DSCAML1: variants seen among roughly 807,000 people sequenced by gnomAD.
DSCAML1 encodes the protein cell adhesion molecule DSCAML1.
Under a neutral mutation model 200.5 loss-of-function variants are expected in DSCAML1, and 38 were observed. That is an observed-to-expected ratio of 0.19 (90% CI 0.15 to 0.25). The LOEUF is 0.25. Among genes scored for constraint, DSCAML1 ranks in the 10% least tolerant of loss-of-function variants. DSCAML1 has a pLI of 1.00. For missense variants in DSCAML1, 2,223 were observed against 2,858.8 expected (o/e 0.78, Z 5.07); for synonymous variants, 1,215 against 1,165.0 (o/e 1.04, Z -0.87).
intron 1 of DSCAML1, among the ~76,000 whole-genome samples, chr11:117,791,031 G>A (rs2055455866): frequency 6.6e-6 from 1 of 152,218 alleles, no homozygotes; most frequent in African/African-American, 2.4e-5. Flanking sequence ...AGTGGGGCAG[G>A]GCAGCTGAAC....
In DSCAML1 at chr11:117,464,996, G is replaced by T. The variant is rs563772293; in HGVS notation, c.3211C>A (p.Arg1071=). ...QYGVVVQAFN[R]AGTGPSSSEI... ...CTGGAAGAGGGCCCCGTGCCAGCCC[G>T]ATTGAAGGCTTGGACCACCACCCCA... The change falls in exon 17 of 33, where the codon CGG becomes AGG. Residue 1071 remains arginine, a synonymous_variant. Coordinates refer to ENST00000651296, the MANE Select transcript of DSCAML1 (RefSeq NM_020693.4). The T allele has an allele frequency of 1.2e-6, 2 of 1,614,088 alleles. No homozygotes were observed. The highest frequency in any genetic ancestry group is 1.7e-6 in the Non-Finnish European group (2 of 1,179,972).
chr11:117,550,033 T>C (rs7126576), intron 3 of DSCAML1, among the ~76,000 whole-genome samples: 16,797 of 152,166 alleles, frequency 0.11, 1,165 homozygotes, highest in African/African-American at 0.17. Context: ...TTCTCCCTTG[T>C]CTCCTGACAG....
chr11:117,449,004 A>G (rs11216396), intron 20 of DSCAML1, among the ~76,000 whole-genome samples: 56,512 of 152,110 alleles, frequency 0.37, 10,549 homozygotes, highest in Admixed American at 0.42. Context: ...ATTAATAATC[A>G]TAACATATGC....
intron 3 of DSCAML1, among the ~76,000 whole-genome samples, chr11:117,742,444 G>A (rs1016166213): frequency 3.0e-4 from 45 of 152,308 alleles, no homozygotes; most frequent in African/African-American, 1.1e-3. Context: ...CCCATGGCTG[G>A]CTGTGGGACC....
At chr11:117,769,266 ATATATTTATATAT>A (rs2134032170) in intron 3 of DSCAML1, among the ~76,000 whole-genome samples, 1 of 4,740 alleles carries the variant, frequency 2.1e-4, no homozygotes, top group East Asian at 0.1. Context: ...TATATATTTT[ATATATTTATATAT>A]TATATATTTT....
intron 3 of DSCAML1, among the ~76,000 whole-genome samples, chr11:117,537,948 T>C (rs923537253): frequency 2.0e-5 from 3 of 152,210 alleles, no homozygotes; most frequent in Admixed American, 1.3e-4. Flanking sequence ...TGATTTCTCA[T>C]GGCAGCTCTG....
intron 3 of DSCAML1, among the ~76,000 whole-genome samples, chr11:117,649,855 C>T (rs893466358): frequency 1.3e-5 from 2 of 152,170 alleles, no homozygotes; most frequent in African/African-American, 2.4e-5. Context: ...TCCGTGCCTC[C>T]GCCCCAGCCT....
intron 13 of DSCAML1, 21 bp downstream of exon 13, chr11:117,481,153 G>A: frequency 6.2e-7 from 1 of 1,611,852 alleles, no homozygotes; most frequent in Non-Finnish European, 8.5e-7. Context: ...GGGATGGGAA[G>A]GGTGGGGCAG....
chr11:117,431,786 A>G, intron 30 of DSCAML1, 58 bp from the exon 31 acceptor site: 14 of 1,473,398 alleles, frequency 9.5e-6, no homozygotes, highest in Non-Finnish European at 1.3e-5. Flanking sequence ...AGGCTTGGGC[A>G]GCTGGCACTT....
chr11:117,746,081 G>A (rs2137853992), intron 3 of DSCAML1, among the ~76,000 whole-genome samples: 1 of 151,754 alleles, frequency 6.6e-6, no homozygotes, highest in African/African-American at 2.4e-5. Flanking sequence ...AATTAGCCAG[G>A]TGTGGTGGCG....
intron 3 of DSCAML1, among the ~76,000 whole-genome samples, chr11:117,624,791 G>C (rs2052009125): frequency 6.6e-6 from 1 of 152,182 alleles, no homozygotes; most frequent in African/African-American, 2.4e-5. Flanking sequence ...TCAGGAGCCA[G>C]CCCATTGGGA....
intron 11 of DSCAML1, among the ~76,000 whole-genome samples, chr11:117,492,929 A>G (rs1001101946): frequency 8.5e-5 from 13 of 152,158 alleles, no homozygotes; most frequent in African/African-American, 2.9e-4. Flanking sequence ...GCCAAGCTCC[A>G]CCTGAAGCAT....
chr11:117,554,435 C>T (rs555057373), intron 3 of DSCAML1, among the ~76,000 whole-genome samples: 4 of 152,076 alleles, frequency 2.6e-5, no homozygotes, highest in Non-Finnish European at 5.9e-5. Flanking sequence ...GGCTGGAGTG[C>T]GGTGGTGCGA....
intron 3 of DSCAML1, among the ~76,000 whole-genome samples, chr11:117,750,662 T>C (rs2054591919): frequency 6.6e-6 from 1 of 152,094 alleles, no homozygotes; most frequent in Non-Finnish European, 1.5e-5. Flanking sequence ...AATCCCAAAA[T>C]GAAGGTTCTA....
At chr11:117,649,774 TC>T (rs569745478) in intron 3 of DSCAML1, among the ~76,000 whole-genome samples, 73 of 152,358 alleles carry the variant, frequency 4.8e-4, no homozygotes, top group African/African-American at 1.7e-3. Context: ...AACCTACCTT[TC>T]TGGACCTATC....
chr11:117,707,893 C>T (rs898913089), intron 3 of DSCAML1, among the ~76,000 whole-genome samples: 8 of 152,224 alleles, frequency 5.3e-5, no homozygotes, highest in African/African-American at 1.9e-4. Context: ...CTGAAGCAAT[C>T]TCATAAGGTC....
chr11:117,505,617 G>A lies in DSCAML1; in HGVS notation c.1899C>T (p.Asp633=), dbSNP rs146925448. ...CCGAGCCTGAGATGATCACCTGTCC[G>A]TCCTTCCTCCAGGTGATACGGATGG... ...DMPIRITWRK[D]GQVIISGSGV... Residue 633 remains aspartate (D), a synonymous_variant, in exon 9 of 33, where the codon GAC becomes GAT. Transcript: ENST00000651296. The surrounding 1 kb of genome is among the most constrained non-coding windows in gnomAD (Gnocchi z 6.7). 43 of 1,613,942 alleles carry A rather than the reference G, an allele frequency of 2.7e-5. No individual in the cohort carries two copies. Among genetic ancestry groups the A allele is most frequent in the South Asian group, 8.8e-5 (8 of 91,074 alleles).
intron 3 of DSCAML1, among the ~76,000 whole-genome samples, chr11:117,662,788 C>T (rs2052882491): frequency 6.6e-6 from 1 of 152,222 alleles, no homozygotes; most frequent in Non-Finnish European, 1.5e-5. Flanking sequence ...ATTAGAGTCA[C>T]CCAGCGTGCT....
intron 4 of DSCAML1, among the ~76,000 whole-genome samples, chr11:117,529,136 T>G (rs2050029824): frequency 6.6e-6 from 1 of 152,126 alleles, no homozygotes; most frequent in Admixed American, 6.5e-5. Flanking sequence ...AGTGGCATGA[T>G]CTCGCGTTCT....
Sources: gnomAD v4.1 joint callset for allele counts (sites outside exome capture counted in the v4.1 genomes callset) on GRCh38, gnomAD v4.1.1 for gene constraint, Gnocchi (gnomAD v3.1) non-coding constraint, MANE v1.5 for transcripts, NCBI Gene and HGNC (gene_info 2026-07-23, HGNC 2026-07-21) for gene names.